The following XKR4 variants were observed in gnomAD, a reference collection of about 807,000 sequenced individuals.
XKR4 encodes the protein XK related 4, also known as XK-related protein 4.
XKR4 carries 12 observed loss-of-function variants against 53.9 expected under a neutral mutation model. That is an observed-to-expected ratio of 0.22 (90% CI 0.14 to 0.36). The LOEUF (loss-of-function observed/expected upper bound fraction) is 0.36. Ranked by LOEUF, XKR4 falls within the 10% of genes least tolerant of loss-of-function variation. XKR4 has a pLI of 1.00. For synonymous variants in XKR4, 354 were observed against 362.4 expected (o/e 0.98, Z 0.26); for missense variants, 799 against 859.5 (o/e 0.93, Z 0.88).
At chr8:55,231,678 T>C (rs1481233223) in intron 1 of XKR4, among the ~76,000 whole-genome samples, 1 of 152,108 alleles carries the variant, frequency 6.6e-6, no homozygotes, top group Non-Finnish European at 1.5e-5. Flanking sequence ...TCTTGGCAGA[T>C]GGATGCAGTC....
chr8:55,477,475 T>C (rs991830293), intron 2 of XKR4, among the ~76,000 whole-genome samples: 1 of 151,920 alleles, frequency 6.6e-6, no homozygotes, highest in Non-Finnish European at 1.5e-5. Flanking sequence ...GCAGAAAAAC[T>C]GGAAACTCTA....
intron 1 of XKR4, among the ~76,000 whole-genome samples, chr8:55,158,426 A>G (rs895348708): frequency 1.3e-5 from 2 of 152,114 alleles, no homozygotes; most frequent in Admixed American, 6.5e-5. Flanking sequence ...TAGTTTGCAA[A>G]TATTTTCTCC....
chr8:55,502,142 T>C (rs1171349807), intron 2 of XKR4, among the ~76,000 whole-genome samples: 2 of 152,214 alleles, frequency 1.3e-5, no homozygotes, highest in Admixed American at 6.5e-5. Context: ...ATGAATCTTT[T>C]CAATTTGAAA....
intron 2 of XKR4, among the ~76,000 whole-genome samples, chr8:55,398,348 C>A (rs1017798088): frequency 6.6e-6 from 1 of 152,114 alleles, no homozygotes; most frequent in African/African-American, 2.4e-5. Context: ...AGGGAGTCAT[C>A]GGAAGTTAAA....
chr8:55,454,104 T>C, intron 2 of XKR4: 2 of 828,364 alleles, frequency 2.4e-6, no homozygotes, highest in Non-Finnish European at 4.2e-6. Context: ...GAGGGGGACG[T>C]CATGGGTGGA....
At chr8:55,114,519 A>T (rs572118531) in intron 1 of XKR4, among the ~76,000 whole-genome samples, 9 of 152,200 alleles carry the variant, frequency 5.9e-5, no homozygotes, top group African/African-American at 2.2e-4. Context: ...GCCAAAACAC[A>T]TCATCCCAAC....
At chr8:55,466,138 T>C in intron 2 of XKR4, among the ~76,000 whole-genome samples, 1 of 152,132 alleles carries the variant, frequency 6.6e-6, no homozygotes, top group East Asian at 1.9e-4. Flanking sequence ...CATTACTGGG[T>C]ATATACCCAA....
At chr8:55,231,377 T>C (rs1255831802) in intron 1 of XKR4, among the ~76,000 whole-genome samples, 1 of 152,222 alleles carries the variant, frequency 6.6e-6, no homozygotes, top group African/African-American at 2.4e-5. Context: ...GTGGAACATA[T>C]TATAATAGAA....
intron 1 of XKR4, among the ~76,000 whole-genome samples, chr8:55,338,184 T>G (rs905433659): frequency 6.6e-6 from 1 of 152,262 alleles, no homozygotes; most frequent in African/African-American, 2.4e-5. Context: ...CTAATTGCTT[T>G]CCCAAATTGT....
chr8:55,475,579 C>CTTATTTAT lies in XKR4; in HGVS notation c.1007-47667_1007-47660dup, dbSNP rs60244265. ...CTATAGGTGTGCACCACCATGCTCA[C>CTTATTTAT]TTATTTATTTATTTATTTATTTATT... On this transcript the variant is annotated intron_variant, in intron 2 of 2. Coordinates refer to ENST00000327381, the MANE Select transcript of XKR4 (RefSeq NM_052898.2). 7.1e-4 allele frequency among the ~76,000 whole-genome samples: 97 copies of CTTATTTAT among 137,448 alleles called. 1 individual carries two copies. Among genetic ancestry groups the CTTATTTAT allele is most frequent in the Non-Finnish European group, 9.3e-4 (61 of 65,448 alleles). The allele number at this position is 137,448 out of a possible 152,430, so 90.2% of individuals were successfully genotyped here. A position where few individuals can be genotyped will look rare whatever the true frequency, so the allele number is the denominator to read the frequency against.
At chr8:55,499,019 C>A (rs1433192956) in intron 2 of XKR4, among the ~76,000 whole-genome samples, 1 of 152,248 alleles carries the variant, frequency 6.6e-6, no homozygotes, top group Non-Finnish European at 1.5e-5. Flanking sequence ...GCCAATTTAT[C>A]TGCTGACATT....
At chr8:55,337,552 C>A (rs529733410) in intron 1 of XKR4, among the ~76,000 whole-genome samples, 14 of 152,194 alleles carry the variant, frequency 9.2e-5, no homozygotes, top group Admixed American at 7.2e-4. Context: ...GTGAAAACAT[C>A]TAGGAGGGTA....
intron 2 of XKR4, among the ~76,000 whole-genome samples, chr8:55,522,592 C>CTA (rs1806812749): frequency 6.6e-6 from 1 of 152,122 alleles, no homozygotes; most frequent in Non-Finnish European, 1.5e-5. Context: ...GATCACATAT[C>CTA]CCCTTCAATC....
chr8:55,469,378 T>G (rs1175214660), intron 2 of XKR4, among the ~76,000 whole-genome samples: 12 of 152,106 alleles, frequency 7.9e-5, no homozygotes, highest in Admixed American at 7.9e-4. Flanking sequence ...TTATGCCCAG[T>G]GTCTTAGCCT....
chr8:55,512,236 T>C (rs1435108267), intron 2 of XKR4, among the ~76,000 whole-genome samples: 1 of 152,072 alleles, frequency 6.6e-6, no homozygotes, highest in Admixed American at 6.5e-5. Flanking sequence ...GTCTGGAGGG[T>C]CCCCTTCCCT....
At chr8:55,400,536 TC>T (rs1156447447) in intron 2 of XKR4, among the ~76,000 whole-genome samples, 3 of 152,038 alleles carry the variant, frequency 2.0e-5, no homozygotes, top group African/African-American at 7.2e-5. Context: ...AGAGGAGGAA[TC>T]CCCATGGGGC....
intron 1 of XKR4, among the ~76,000 whole-genome samples, chr8:55,322,897 C>G (rs2129379686): frequency 6.6e-6 from 1 of 152,190 alleles, no homozygotes; most frequent in South Asian, 2.1e-4. Flanking sequence ...GTTTCTTTTT[C>G]TTGCATTCTT....
Position 55,103,030 on chromosome 8 carries a change from C to G in XKR4, c.542C>G (p.Ala181Gly). The part of the protein sequence containing the change: ...FSTEDSATAA[A>G]ASSCPQPGAD... ...ACCGAGGACAGCGCCACGGCCGCTGCTGCCTCCAGCTGCCCGCAGCCTGGA... is the reference window on the plus strand; with the variant it reads ...ACCGAGGACAGCGCCACGGCCGCTGGTGCCTCCAGCTGCCCGCAGCCTGGA... Residue 181 changes from alanine to glycine, a missense_variant, in exon 1 of 3, where the codon GCT (alanine) becomes GGT (glycine). Physicochemically the swap from Ala to Gly is moderately conservative, Grantham distance 60. Transcript: ENST00000327381. The G allele has an allele frequency of 6.2e-7, 1 of 1,612,518 alleles. No homozygotes were observed. The highest frequency in any genetic ancestry group is 1.3e-5 in the African/African-American group (1 of 75,066).
In XKR4 at chr8:55,541,764, A is replaced by G. The variant is rs1430661518; in HGVS notation, c.*17537A>G. On this transcript the variant is annotated 3_prime_UTR_variant, in exon 3 of 3. Transcript: ENST00000327381. ...AAATTTGTTTCCTTCCTGTAAATATATATATTCAAATTCCATGTATCCAAA... is the reference window on the plus strand; with the variant it reads ...AAATTTGTTTCCTTCCTGTAAATATGTATATTCAAATTCCATGTATCCAAA... The G allele has an allele frequency of 6.6e-6, 1 of 152,196 alleles. No individual in the cohort carries two copies. Among genetic ancestry groups the G allele is most frequent in the Non-Finnish European group, 1.5e-5 (1 of 68,028 alleles). The allele number at this position is 152,196 out of a possible 1,614,324, so 9.4% of individuals were successfully genotyped here.
Sources: allele counts gnomAD v4.1 joint callset (sites outside exome capture counted in the v4.1 genomes callset), GRCh38; gene constraint gnomAD v4.1.1; transcripts MANE v1.5; gene names NCBI Gene and HGNC (gene_info 2026-07-23, HGNC 2026-07-21).